DNAI3: variants seen among roughly 807,000 people sequenced by gnomAD.
DNAI3 encodes dynein axonemal intermediate chain 3, also known as WD repeat domain 63.
In DNAI3, 83 loss-of-function variants were observed where a neutral mutation model predicts 115.5. The observed-to-expected ratio is 0.72, with a 90% CI of 0.60 to 0.86. DNAI3 has a LOEUF of 0.86. DNAI3 is among the 40% of genes least tolerant of loss of function. DNAI3 has a pLI of 0.00. For missense variants in DNAI3, 1,004 were observed against 1,075.8 expected (o/e 0.93, Z 0.93); for synonymous variants, 320 against 347.0 (o/e 0.92, Z 0.86).
intron 7 of DNAI3, among the ~76,000 whole-genome samples, chr1:85,088,846 T>TA (rs1654875418): frequency 6.6e-6 from 1 of 152,172 alleles, no homozygotes; most frequent in African/African-American, 2.4e-5. Flanking sequence ...TGTTTTTTTT[T>TA]TACTTAACCC....
intron 14 of DNAI3, among the ~76,000 whole-genome samples, chr1:85,106,990 C>A (rs1418633547): frequency 6.6e-6 from 1 of 152,114 alleles, no homozygotes; most frequent in Non-Finnish European, 1.5e-5. Flanking sequence ...TTAGACATTA[C>A]AACAAAAGCA....
At chr1:85,129,149 A>C (rs535905748) in intron 21 of DNAI3, among the ~76,000 whole-genome samples, 4 of 152,084 alleles carry the variant, frequency 2.6e-5, no homozygotes, top group Non-Finnish European at 5.9e-5. Flanking sequence ...ATGTTCATGC[A>C]TCTCTCCATC....
chr1:85,103,807 A>G (rs1655401278), intron 13 of DNAI3, among the ~76,000 whole-genome samples: 1 of 151,432 alleles, frequency 6.6e-6, no homozygotes, highest in African/African-American at 2.4e-5. Context: ...GAATCACTTG[A>G]ACCTGGGAGG....
chr1:85,120,246 T>G (rs2100610357), intron 17 of DNAI3, among the ~76,000 whole-genome samples: 2 of 152,304 alleles, frequency 1.3e-5, no homozygotes, highest in East Asian at 3.9e-4. Context: ...GATAGAGATG[T>G]TCAGGGAGGC....
intron 8 of DNAI3, 21 bp from the exon 9 acceptor site, chr1:85,093,437 T>A (rs1250645739): frequency 1.4e-6 from 2 of 1,477,592 alleles, no homozygotes; most frequent in Non-Finnish European, 1.8e-6. Flanking sequence ...CTTAATTGCT[T>A]TTTTTATTTT....
rs1044406177 is a variant in DNAI3 at position 85,062,345 on chromosome 1, G to T, written c.-156G>T. The T allele has an allele frequency of 5.9e-5, 9 of 152,218 alleles. No individual in the cohort carries two copies. Among genetic ancestry groups the T allele is most frequent in the African/African-American group, 2.2e-4 (9 of 41,448 alleles). The allele number at this position is 152,218 out of a possible 1,614,324, so 9.4% of individuals were successfully genotyped here. A position where few individuals can be genotyped will look rare whatever the true frequency, so the allele number is the denominator to read the frequency against. On this transcript the variant is annotated 5_prime_UTR_variant, in exon 1 of 23. Coordinates refer to ENST00000294664, the MANE Select transcript of DNAI3 (RefSeq NM_145172.5). ...TAGCGACAGATGCGTCCTGGCAACAGTCGGCAGAGTTGCTGCGGTTTGTGC... is the reference window on the plus strand; with the variant it reads ...TAGCGACAGATGCGTCCTGGCAACATTCGGCAGAGTTGCTGCGGTTTGTGC...
At chr1:85,084,740 T>G (rs760617230) in intron 6 of DNAI3, 45 bp downstream of exon 6, 1 of 1,352,136 alleles carries the variant, frequency 7.4e-7, no homozygotes, top group Non-Finnish European at 9.6e-7. Flanking sequence ...TCCCTGTAGC[T>G]GAACAACACT....
intron 17 of DNAI3, among the ~76,000 whole-genome samples, chr1:85,119,864 A>AT (rs538857945): frequency 1.3e-5 from 2 of 151,880 alleles, no homozygotes; most frequent in South Asian, 2.1e-4. Context: ...TGCCCAGCTA[A>AT]TTTTTTTGTA....
intron 7 of DNAI3, among the ~76,000 whole-genome samples, chr1:85,087,373 T>C (rs547198897): frequency 1.6e-4 from 22 of 141,196 alleles, no homozygotes; most frequent in African/African-American, 5.9e-4. Context: ...GAGGTAGAGG[T>C]TGCAGTGAGC....
rs1654741286 is a variant in DNAI3, at chr1:85,084,625, C to G, written c.470C>G (p.Ser157Cys). The G allele has an allele frequency of 6.3e-7, 1 of 1,578,720 alleles. No homozygotes were observed. The highest frequency in any genetic ancestry group is 1.8e-5 in the Admixed American group (1 of 55,662). Reference protein sequence around the residue: ...EDVYIYKPPVSKPWVSLGSEK... With the variant: ...EDVYIYKPPVCKPWVSLGSEK... ...GTGTATATTTATAAACCACCTGTCT[C>G]TAAACCATGGGTTTCTTTGGGCAGT... The change falls in exon 6 of 23, where the codon TCT becomes TGT. Residue 157 changes from serine to cysteine, a missense_variant. Coordinates refer to ENST00000294664, the MANE Select transcript of DNAI3 (RefSeq NM_145172.5).
chr1:85,093,785 G>A, intron 9 of DNAI3, 137 bp downstream of exon 9: 1 of 1,012,144 alleles, frequency 9.9e-7, no homozygotes, highest in Non-Finnish European at 1.5e-6. Context: ...TACCTGCCAT[G>A]TGCTTTCCAC....
chr1:85,109,214 T>A (rs1235301841), intron 15 of DNAI3, among the ~76,000 whole-genome samples: 1 of 152,230 alleles, frequency 6.6e-6, no homozygotes, highest in East Asian at 1.9e-4. Context: ...GTGGAAAATA[T>A]AAATGGACTT....
intron 7 of DNAI3, among the ~76,000 whole-genome samples, chr1:85,087,629 T>A (rs1260921399): frequency 6.6e-6 from 1 of 152,144 alleles, no homozygotes; most frequent in Non-Finnish European, 1.5e-5. Flanking sequence ...TTTTGTTTAC[T>A]GCTATGTTCC....
chr1:85,127,468 T>C (rs180721914), intron 20 of DNAI3, among the ~76,000 whole-genome samples: 5 of 152,244 alleles, frequency 3.3e-5, no homozygotes, highest in Admixed American at 3.3e-4. Context: ...AGTGCAGTGG[T>C]GTGATCAATC....
intron 11 of DNAI3, among the ~76,000 whole-genome samples, chr1:85,096,881 C>A (rs1045760278): frequency 1.3e-5 from 2 of 152,078 alleles, no homozygotes; most frequent in African/African-American, 4.8e-5. Flanking sequence ...ATCCTCCAAG[C>A]CCTGCAAATC....
At chr1:85,083,930 T>A (rs1040936676) in intron 5 of DNAI3, among the ~76,000 whole-genome samples, 13 of 151,888 alleles carry the variant, frequency 8.6e-5, no homozygotes, top group Admixed American at 8.5e-4. Context: ...AAAAATTGTG[T>A]CATTTTTATA....
rs149441278 is a variant in DNAI3, at chr1:85,076,382, G to C, written c.103+3290G>C. Among the ~76,000 whole-genome samples, 738 of 152,140 alleles carry C rather than the reference G, an allele frequency of 4.9e-3. 8 individuals are homozygous for C. Among genetic ancestry groups the C allele is most frequent in the African/African-American group, 0.017 (706 of 41,546 alleles). ...AACATAAAAACAAAAACAACAAAAA[G>C]TAGAGATCCGTAACATAATTATATC... On this transcript the variant is annotated intron_variant, in intron 3 of 22. Transcript: ENST00000294664.
chr1:85,072,791 TAAAAATAC>T (rs1195605916), intron 2 of DNAI3, among the ~76,000 whole-genome samples: 19 of 151,152 alleles, frequency 1.3e-4, no homozygotes, highest in African/African-American at 4.6e-4. Context: ...CCGTCTCTAC[TAAAAATAC>T]AAAAAATTAG....
intron 16 of DNAI3, among the ~76,000 whole-genome samples, chr1:85,113,448 A>G (rs774184676): frequency 2.6e-5 from 4 of 152,208 alleles, no homozygotes; most frequent in Non-Finnish European, 4.4e-5. Context: ...TTCCCACACC[A>G]TTTGTTGAAT....
Sources: gnomAD v4.1 joint callset for allele counts (sites outside exome capture counted in the v4.1 genomes callset) on GRCh38, gnomAD v4.1.1 for gene constraint, MANE v1.5 for transcripts, NCBI Gene and HGNC (gene_info 2026-07-23, HGNC 2026-07-21) for gene names.